SHCBP1L: variants seen among roughly 807,000 people sequenced by gnomAD.
The protein encoded by SHCBP1L is SHC binding and spindle associated 1 like.
In SHCBP1L, 67 loss-of-function variants were observed where a neutral mutation model predicts 62.5. That is an observed-to-expected ratio of 1.07 (90% confidence interval 0.88 to 1.31). The LOEUF is 1.31. SHCBP1L is among the 40% of genes most tolerant of loss of function. The pLI is 0.00. For missense variants in SHCBP1L, 823 were observed against 809.8 expected (o/e 1.02, Z -0.20); for synonymous variants, 284 against 289.4 (o/e 0.98, Z 0.19).
At chr1:182,918,801 G>C (rs1261447410) in intron 6 of SHCBP1L, among the ~76,000 whole-genome samples, 1 of 151,302 alleles carries the variant, frequency 6.6e-6, no homozygotes, top group African/African-American at 2.4e-5. Flanking sequence ...CATAAAGATA[G>C]GCATATAGAC....
intron 6 of SHCBP1L, among the ~76,000 whole-genome samples, chr1:182,918,149 T>TATATACACATATATATACACAC (rs1650413989): frequency 2.1e-5 from 3 of 146,206 alleles, no homozygotes; most frequent in African/African-American, 7.7e-5. Flanking sequence ...TATACACATA[T>TATATACACATATATATACACAC]ATATACACAT....
chr1:182,922,149 A>G (rs1650546919), intron 6 of SHCBP1L, among the ~76,000 whole-genome samples: 1 of 152,232 alleles, frequency 6.6e-6, no homozygotes, highest in Non-Finnish European at 1.5e-5. Context: ...GATTCATAAA[A>G]TAAGTTCTTA....
chr1:182,951,422 A>C lies in SHCBP1L; in HGVS notation c.451T>G (p.Leu151Val). Reference sequence around the variant, plus strand: ...CCAAGCCATTTGTCTTTCAACTTTAATTTTTCTGATAGGTATTTACCCATA... The same window carrying C: ...CCAAGCCATTTGTCTTTCAACTTTACTTTTTCTGATAGGTATTTACCCATA... The part of the protein sequence containing the change: ...EVMGKYLSEK[L>V]KLKDKWLGVW... The change falls in exon 2 of 10, where the codon TTA becomes GTA. Residue 151 changes from leucine to valine, a missense_variant. Coordinates refer to ENST00000367547, the MANE Select transcript of SHCBP1L (RefSeq NM_030933.4). The C allele has an allele frequency of 1.9e-6, 3 of 1,608,864 alleles. No individual in the cohort carries two copies. The highest frequency in any genetic ancestry group is 2.5e-6 in the Non-Finnish European group (3 of 1,177,246).
At chr1:182,948,502 C>T (rs1252724554) in intron 2 of SHCBP1L, among the ~76,000 whole-genome samples, 1 of 152,128 alleles carries the variant, frequency 6.6e-6, no homozygotes, top group Non-Finnish European at 1.5e-5. Flanking sequence ...GGCCACAAGC[C>T]ACAGAATGCA....
Position 182,905,495 on chromosome 1 carries a change from C to T in SHCBP1L, c.1336+1G>A. On this transcript the variant is annotated splice_donor_variant, in intron 7 of 9. Transcript: ENST00000367547. LOFTEE classifies it high-confidence loss of function. ...AAAACTACAAAGGATGCCCTGCTAA[C>T]CCTTTATAATGATGTCATCTGTCAA... 6.2e-7 allele frequency: 1 copy of T among 1,613,492 alleles called. No homozygotes were observed. The highest frequency in any genetic ancestry group is 8.5e-7 in the Non-Finnish European group (1 of 1,179,736).
intron 5 of SHCBP1L, among the ~76,000 whole-genome samples, chr1:182,931,133 A>G (rs560003128): frequency 6.6e-6 from 1 of 152,168 alleles, no homozygotes; most frequent in Non-Finnish European, 1.5e-5. Context: ...ATTTAAACAT[A>G]TAGCAGTATC....
At chr1:182,942,152 T>G in intron 2 of SHCBP1L, 1 of 954,258 alleles carries the variant, frequency 1.0e-6, no homozygotes, top group Non-Finnish European at 1.7e-6. Context: ...GGCTGGACTC[T>G]CCTCAGTTTT....
Position 182,903,098 on chromosome 1 carries a change from A to G in SHCBP1L, c.1651T>C (p.Cys551Arg), listed in dbSNP as rs1571333862. 6.2e-7 allele frequency: 1 copy of G among 1,601,520 alleles called. No individual in the cohort carries two copies. The highest frequency in any genetic ancestry group is 8.5e-7 in the Non-Finnish European group (1 of 1,173,398). Residue 551 changes from cysteine to arginine, a missense_variant, in exon 9 of 10, where the codon TGT (cysteine) becomes CGT (arginine). Cys to Arg is a radical substitution (Grantham distance 180). Transcript: ENST00000367547. ...CTGTTACTGGTTCTGAGGTTATTAC[A>G]GTGATGAATTTCATTTCTTTCCAAA... ...AILERNEIHHCNNLRTSNSSK... is the reference protein window; with the variant it reads ...AILERNEIHHRNNLRTSNSSK...
At chr1:182,948,405 C>T (rs150366312) in intron 2 of SHCBP1L, among the ~76,000 whole-genome samples, 61 of 152,248 alleles carry the variant, frequency 4.0e-4, no homozygotes, top group African/African-American at 1.4e-3. Flanking sequence ...ATTCTAATCA[C>T]GAGTCTATTA....
chr1:182,939,597 C>T, intron 3 of SHCBP1L, 44 bp from the exon 4 acceptor site: 1 of 1,398,460 alleles, frequency 7.2e-7, no homozygotes, highest in Non-Finnish European at 9.8e-7. Flanking sequence ...AAAACAGCCA[C>T]TACTGATTTA....
At chr1:182,934,661 CA>C (rs1422024173) in intron 5 of SHCBP1L, among the ~76,000 whole-genome samples, 2 of 152,044 alleles carry the variant, frequency 1.3e-5, no homozygotes, top group African/African-American at 2.4e-5. Context: ...GTGTATTTTT[CA>C]GAGCAGTTTT....
At chr1:182,929,568 A>T (rs1329380391) in intron 6 of SHCBP1L, 79 bp downstream of exon 6, 1 of 811,542 alleles carries the variant, frequency 1.2e-6, no homozygotes, top group Non-Finnish European at 1.9e-6. Flanking sequence ...TTAGACAAGG[A>T]CTCCACCCTC....
intron 5 of SHCBP1L, among the ~76,000 whole-genome samples, chr1:182,933,203 C>G (rs994538290): frequency 1.3e-5 from 2 of 152,202 alleles, no homozygotes; most frequent in Non-Finnish European, 2.9e-5. Context: ...CTCACCTGGC[C>G]AGCAATTTAC....
At chr1:182,939,017 T>C (rs1002286359) in intron 5 of SHCBP1L, among the ~76,000 whole-genome samples, 159 bp downstream of exon 5, 9 of 152,224 alleles carry the variant, frequency 5.9e-5, no homozygotes, top group Non-Finnish European at 1.2e-4. Context: ...GCTAATACAA[T>C]TTTCTAATAC....
intron 8 of SHCBP1L, among the ~76,000 whole-genome samples, chr1:182,903,438 C>T (rs990577485): frequency 6.6e-6 from 1 of 152,170 alleles, no homozygotes; most frequent in Non-Finnish European, 1.5e-5. Context: ...AAGGAGTCCA[C>T]TCTTTAAGCA....
chr1:182,943,583 A>T (rs1198362110), intron 2 of SHCBP1L, among the ~76,000 whole-genome samples: 1 of 151,334 alleles, frequency 6.6e-6, no homozygotes, highest in African/African-American at 2.4e-5. Flanking sequence ...AGTAGCTGGG[A>T]TTACAGGCAT....
intron 6 of SHCBP1L, among the ~76,000 whole-genome samples, chr1:182,913,917 G>A (rs1650272188): frequency 6.6e-6 from 1 of 152,312 alleles, no homozygotes; most frequent in South Asian, 2.1e-4. Context: ...GGAGGCAGAG[G>A]TTGCAGTGAG....
rs573538492 is a variant in SHCBP1L, at chr1:182,900,407, G to A, written c.1711-173C>T. On this transcript the variant is annotated intron_variant, in intron 9 of 9. Coordinates refer to ENST00000367547, the MANE Select transcript of SHCBP1L (RefSeq NM_030933.4). Reference sequence around the variant, plus strand: ...TACTGTTTTCATGACACCAACTAACGTAATATTAACTACAAAAAATATTTA... The same window carrying A: ...TACTGTTTTCATGACACCAACTAACATAATATTAACTACAAAAAATATTTA... Among the ~76,000 whole-genome samples the A allele has an allele frequency of 7.2e-5, 11 of 152,100 alleles. 1 individual carries two copies. The highest frequency in any genetic ancestry group is 3.9e-4 in the East Asian group (2 of 5,182).
intron 6 of SHCBP1L, among the ~76,000 whole-genome samples, chr1:182,920,278 C>A (rs1056195948): frequency 2.0e-5 from 3 of 152,098 alleles, no homozygotes; most frequent in African/African-American, 4.8e-5. Flanking sequence ...TGGTACCAGC[C>A]CCCCAGGGTT....
Sources: gnomAD v4.1 joint callset for allele counts (sites outside exome capture counted in the v4.1 genomes callset) on GRCh38, gnomAD v4.1.1 for gene constraint, MANE v1.5 for transcripts, NCBI Gene and HGNC (gene_info 2026-07-23, HGNC 2026-07-21) for gene names.